VSNL1: variants seen among roughly 807,000 people sequenced by gnomAD.
The protein encoded by VSNL1 is visinin like 1.
VSNL1 carries 6 observed loss-of-function variants against 20.4 expected under a neutral mutation model. The observed-to-expected ratio is 0.29, with a 90% CI of 0.16 to 0.58. The LOEUF is 0.58. Among genes scored for constraint, VSNL1 ranks in the 20% least tolerant of loss-of-function variants. The pLI is 0.90. For missense variants in VSNL1, 100 were observed against 234.5 expected (o/e 0.43, Z 3.75); for synonymous variants, 93 against 86.4 (o/e 1.08, Z -0.42).
intron 2 of VSNL1, among the ~76,000 whole-genome samples, chr2:17,593,488 G>A (rs1664642002): frequency 6.6e-6 from 1 of 152,118 alleles, no homozygotes; most frequent in Admixed American, 6.6e-5. Flanking sequence ...GAAAAGCAGG[G>A]AAGTGATGAA....
In VSNL1 at chr2:17,570,184, G is replaced by T. The variant is rs151160172; in HGVS notation, c.-5-21886G>T. On this transcript the variant is annotated intron_variant, in intron 1 of 3. Coordinates refer to ENST00000295156, the MANE Select transcript of VSNL1 (RefSeq NM_003385.5). ...AGCAGGAGGAGATGTGTTTTTTAAG[G>T]GGGACATTGTTCACAAAATAAACAA... Among the ~76,000 whole-genome samples the T allele has an allele frequency of 3.3e-3, 498 of 152,178 alleles. 2 individuals carry two copies. Among genetic ancestry groups the T allele is most frequent in the Middle Eastern group, 0.02 (6 of 294 alleles).
intron 2 of VSNL1, among the ~76,000 whole-genome samples, chr2:17,633,008 TA>T (rs1205586061): frequency 5.9e-5 from 9 of 152,176 alleles, no homozygotes; most frequent in Non-Finnish European, 1.2e-4. Context: ...CTCATGATGT[TA>T]ATAAAGACAT....
At chr2:17,635,677 T>C (rs1174811380) in intron 2 of VSNL1, among the ~76,000 whole-genome samples, 4 of 152,230 alleles carry the variant, frequency 2.6e-5, no homozygotes, top group Admixed American at 2.0e-4. Context: ...CTCAGAGGAC[T>C]GTTGTGAGAA....
chr2:17,540,432 G>A (rs1463982496), upstream of VSNL1, among the ~76,000 whole-genome samples: 4 of 152,356 alleles, frequency 2.6e-5, no homozygotes, highest in African/African-American at 9.6e-5. Context: ...CCGGTAGCCG[G>A]ACTCCCTTTT....
intron 1 of VSNL1, among the ~76,000 whole-genome samples, chr2:17,543,091 C>A (rs1433971905): frequency 6.6e-6 from 1 of 152,180 alleles, no homozygotes; most frequent in Non-Finnish European, 1.5e-5. Flanking sequence ...CTCTAGGGGT[C>A]CCTTTTATAC....
At chr2:17,604,179 A>T (rs144734189) in intron 2 of VSNL1, among the ~76,000 whole-genome samples, 66 of 152,346 alleles carry the variant, frequency 4.3e-4, no homozygotes, top group African/African-American at 1.5e-3. Flanking sequence ...GTGGTGCAGG[A>T]GCTGAAGCTG....
intron 2 of VSNL1, among the ~76,000 whole-genome samples, chr2:17,635,991 CA>C (rs1290722311): frequency 6.8e-6 from 1 of 147,586 alleles, no homozygotes; most frequent in Non-Finnish European, 1.5e-5. Flanking sequence ...TATTGCTTTT[CA>C]GAGAAAGGGG....
At chr2:17,606,456 G>A (rs1448443048) in intron 2 of VSNL1, among the ~76,000 whole-genome samples, 4 of 152,220 alleles carry the variant, frequency 2.6e-5, no homozygotes, top group Non-Finnish European at 5.9e-5. Context: ...TCCCAGAGCA[G>A]TGGTGAGGGC....
intron 2 of VSNL1, among the ~76,000 whole-genome samples, chr2:17,630,543 G>A (rs1665606726): frequency 6.6e-6 from 1 of 152,148 alleles, no homozygotes; most frequent in Non-Finnish European, 1.5e-5. Context: ...TTGTTTCATT[G>A]TTTTGCCACT....
At chr2:17,557,325 C>T (rs1663708866) in intron 1 of VSNL1, among the ~76,000 whole-genome samples, 1 of 152,126 alleles carries the variant, frequency 6.6e-6, no homozygotes, top group Admixed American at 6.5e-5. Flanking sequence ...TTCACCAATT[C>T]ATTTGTTCTT....
At chr2:17,544,137 A>G (rs904201953) in intron 1 of VSNL1, among the ~76,000 whole-genome samples, 14 of 152,200 alleles carry the variant, frequency 9.2e-5, no homozygotes, top group African/African-American at 3.4e-4. Flanking sequence ...CTCATTTCAA[A>G]GAGTAGGTAA....
At position 17,649,310 on chromosome 2, in the gene VSNL1, C is replaced by A. The variant is rs1666072625; in HGVS notation, c.163-100C>A. On this transcript the variant is annotated intron_variant, in intron 2 of 3. Transcript: ENST00000295156. The surrounding 1 kb of genome is among the most constrained non-coding windows in gnomAD (Gnocchi z 6.4). Reference sequence around the variant, plus strand: ...TGCTCTCCAATGGGTGAGGCTCCGACAACGCCCAGGAGCACCTGTGATGCC... The same window carrying A: ...TGCTCTCCAATGGGTGAGGCTCCGAAAACGCCCAGGAGCACCTGTGATGCC... The A allele has an allele frequency of 1.6e-6, 2 of 1,216,736 alleles. No homozygotes were observed. Among genetic ancestry groups the A allele is most frequent in the African/African-American group, 1.5e-5 (1 of 67,220 alleles). 75.4% of individuals were successfully genotyped at this position (1,216,736 alleles called of 1,614,324 possible).
Position 17,655,658 on chromosome 2 carries a change from C to T in VSNL1, c.*264C>T. The stretch of plus-strand genomic sequence containing the variant: ...ATGTGTAATATCATTTCATAAAAAT[C>T]CCTCTTCCTCCAAAGCCTGGGCAGA... On this transcript the variant is annotated 3_prime_UTR_variant, in exon 4 of 4. Coordinates refer to ENST00000295156, the MANE Select transcript of VSNL1 (RefSeq NM_003385.5). This position sits in a 1 kb window ranked among gnomAD's most constrained non-coding sequence, Gnocchi z 5.2. 1 of 349,402 alleles carries T rather than the reference C, an allele frequency of 2.9e-6. No homozygotes were observed. The highest frequency in any genetic ancestry group is 5.3e-6 in the Non-Finnish European group (1 of 188,190). The allele number at this position is 349,402 out of a possible 1,614,324, so 21.6% of individuals were successfully genotyped here.
At chr2:17,594,021 A>G (rs1028492205) in intron 2 of VSNL1, among the ~76,000 whole-genome samples, 2 of 152,298 alleles carry the variant, frequency 1.3e-5, no homozygotes, top group African/African-American at 4.8e-5. Flanking sequence ...GTTCCTCACT[A>G]TTTGTTTAAA....
At chr2:17,633,585 C>T (rs2103414600) in intron 2 of VSNL1, among the ~76,000 whole-genome samples, 1 of 152,058 alleles carries the variant, frequency 6.6e-6, no homozygotes, top group South Asian at 2.1e-4. Flanking sequence ...CCACCTTCAC[C>T]TATCGAGTTA....
chr2:17,650,619 G>A (rs1666103621), intron 3 of VSNL1, among the ~76,000 whole-genome samples: 1 of 152,186 alleles, frequency 6.6e-6, no homozygotes, highest in Non-Finnish European at 1.5e-5. Flanking sequence ...GGAGCTGGGG[G>A]GATGCCCCAT....
At chr2:17,590,920 A>G (rs935094919) in intron 1 of VSNL1, among the ~76,000 whole-genome samples, 30 of 152,134 alleles carry the variant, frequency 2.0e-4, no homozygotes, top group Admixed American at 1.7e-3. Flanking sequence ...GAAATTTTCC[A>G]ATTTTCAAGT....
At chr2:17,653,446 C>G (rs2103434091) in intron 3 of VSNL1, among the ~76,000 whole-genome samples, 1 of 152,318 alleles carries the variant, frequency 6.6e-6, no homozygotes, top group East Asian at 1.9e-4. Flanking sequence ...GGCCATTTGT[C>G]TCTTTTTAAA....
chr2:17,650,398 G>T (rs1666098356), intron 3 of VSNL1, among the ~76,000 whole-genome samples: 1 of 152,244 alleles, frequency 6.6e-6, no homozygotes, highest in African/African-American at 2.4e-5. Context: ...ATGGCAGAAT[G>T]CAAGCTCTCT....
Sources: allele counts gnomAD v4.1 joint callset (sites outside exome capture counted in the v4.1 genomes callset), GRCh38; gene constraint gnomAD v4.1.1; non-coding constraint Gnocchi (gnomAD v3.1); transcripts MANE v1.5; gene names NCBI Gene and HGNC (gene_info 2026-07-23, HGNC 2026-07-21).